GPATCH2: variants seen among roughly 807,000 people sequenced by gnomAD.
GPATCH2 encodes G patch domain-containing protein 2.
A neutral mutation model predicts 58.0 loss-of-function variants in GPATCH2; 51 were observed. The ratio of observed to expected loss-of-function variants is 0.88; its 90% CI spans 0.70 to 1.11. The LOEUF is 1.11. Among genes scored for constraint, GPATCH2 ranks in the 50% most tolerant of loss-of-function variants. The pLI is 0.00. For synonymous variants in GPATCH2, 222 were observed against 218.5 expected (o/e 1.02, Z -0.14); for missense variants, 625 against 652.2 (o/e 0.96, Z 0.45).
chr1:217,464,576 A>G (rs1232991921), intron 8 of GPATCH2, among the ~76,000 whole-genome samples: 3 of 152,166 alleles, frequency 2.0e-5, no homozygotes, highest in African/African-American at 7.2e-5. Flanking sequence ...AATTAAAGTG[A>G]TTTCCCAGGA....
chr1:217,499,555 C>G (rs957138561), intron 6 of GPATCH2, among the ~76,000 whole-genome samples: 4 of 152,146 alleles, frequency 2.6e-5, no homozygotes, highest in African/African-American at 9.7e-5. Flanking sequence ...TAGAATTTCT[C>G]AAGCTCATAG....
chr1:217,496,311 G>A (rs967731936), intron 7 of GPATCH2, among the ~76,000 whole-genome samples: 6 of 152,178 alleles, frequency 3.9e-5, no homozygotes, highest in Admixed American at 3.3e-4. Flanking sequence ...TGTGTAGCCA[G>A]AGTGGTAAAA....
intron 5 of GPATCH2, among the ~76,000 whole-genome samples, chr1:217,536,959 G>A (rs1000728090): frequency 6.6e-6 from 1 of 152,124 alleles, no homozygotes; most frequent in South Asian, 2.1e-4. Context: ...GTGACAGAGC[G>A]AGACTCCATC....
At chr1:217,450,442 GTGC>G (rs921462031) in intron 8 of GPATCH2, among the ~76,000 whole-genome samples, 32 of 152,048 alleles carry the variant, frequency 2.1e-4, no homozygotes, top group Non-Finnish European at 4.1e-4. Context: ...TGAAAAATTA[GTGC>G]TGGAGAGTAC....
chr1:217,573,710 C>T (rs1489071809), intron 5 of GPATCH2, among the ~76,000 whole-genome samples: 1 of 152,134 alleles, frequency 6.6e-6, no homozygotes, highest in African/African-American at 2.4e-5. Flanking sequence ...GTGTCATTTT[C>T]TTATTAGGAG....
At chr1:217,537,576 A>G (rs1234393530) in intron 5 of GPATCH2, among the ~76,000 whole-genome samples, 3 of 152,194 alleles carry the variant, frequency 2.0e-5, no homozygotes, top group Non-Finnish European at 2.9e-5. Context: ...AAATATTAAA[A>G]TATGAGGTGA....
intron 3 of GPATCH2, 25 bp from the exon 4 acceptor site, chr1:217,611,096 C>T (rs747852874): frequency 1.9e-6 from 3 of 1,587,210 alleles, no homozygotes; most frequent in Non-Finnish European, 1.7e-6. Context: ...GAAACCCCCC[C>T]CCACCAAAGA....
chr1:217,576,194 T>C (rs997031252), intron 5 of GPATCH2, among the ~76,000 whole-genome samples: 2 of 152,162 alleles, frequency 1.3e-5, no homozygotes, highest in Non-Finnish European at 2.9e-5. Context: ...AATTCAACAA[T>C]GCATTTTCCT....
intron 8 of GPATCH2, among the ~76,000 whole-genome samples, chr1:217,488,507 C>A (rs1376784259): frequency 6.6e-6 from 1 of 151,920 alleles, no homozygotes; most frequent in South Asian, 2.1e-4. Context: ...TGAGAGCTTT[C>A]TTTATAATGC....
At chr1:217,605,977 A>G (rs898465747) in intron 5 of GPATCH2, among the ~76,000 whole-genome samples, 3 of 152,096 alleles carry the variant, frequency 2.0e-5, no homozygotes, top group Non-Finnish European at 4.4e-5. Flanking sequence ...TCATTCTCCT[A>G]AAAGTGGGGA....
At chr1:217,457,001 A>C (rs946681597) in intron 8 of GPATCH2, among the ~76,000 whole-genome samples, 19 of 152,208 alleles carry the variant, frequency 1.2e-4, no homozygotes, top group Non-Finnish European at 2.5e-4. Flanking sequence ...TACCCTTCTC[A>C]TTATTAATAT....
intron 9 of GPATCH2, among the ~76,000 whole-genome samples, chr1:217,435,399 G>T (rs552648746): frequency 6.6e-6 from 1 of 152,196 alleles, no homozygotes; most frequent in African/African-American, 2.4e-5. Flanking sequence ...TGAAAATCTT[G>T]TATCGGCCTC....
At chr1:217,472,870 G>A (rs1660792145) in intron 8 of GPATCH2, among the ~76,000 whole-genome samples, 1 of 152,192 alleles carries the variant, frequency 6.6e-6, no homozygotes, top group Non-Finnish European at 1.5e-5. Flanking sequence ...TACAGAGAGA[G>A]GAACTGGCTG....
intron 7 of GPATCH2, 112 bp from the exon 8 acceptor site, chr1:217,491,862 CTTTTTT>C: frequency 6.0e-6 from 2 of 332,728 alleles, no homozygotes; most frequent in Non-Finnish European, 5.3e-6. Flanking sequence ...ATTTGCACGG[CTTTTTT>C]TTTTTTTTTT....
intron 5 of GPATCH2, among the ~76,000 whole-genome samples, chr1:217,518,183 T>G (rs1663268798): frequency 6.6e-6 from 1 of 152,180 alleles, no homozygotes; most frequent in Non-Finnish European, 1.5e-5. Flanking sequence ...ATAACTTTTG[T>G]GTCCTAATTC....
At chr1:217,514,024 G>A (rs946279659) in intron 6 of GPATCH2, among the ~76,000 whole-genome samples, 9 of 151,706 alleles carry the variant, frequency 5.9e-5, no homozygotes, top group African/African-American at 2.2e-4. Flanking sequence ...CGGGTTTCAC[G>A]ATATGTTGGC....
chr1:217,624,447 G>T (rs1330374907), intron 1 of GPATCH2, among the ~76,000 whole-genome samples: 1 of 152,242 alleles, frequency 6.6e-6, no homozygotes, highest in Admixed American at 6.5e-5. Context: ...GAACCAGGAG[G>T]CGGAGGCTGT....
At position 217,487,782 on chromosome 1, in the gene GPATCH2, G is replaced by A. The variant is rs1456948660; in HGVS notation, c.1277+3898C>T. Reference sequence around the variant, plus strand: ...TTTGGAGACTGAGTCTCACTCTGTCGCCCAGGCTGTAGTGCAGTGGCGTGA... The same window carrying A: ...TTTGGAGACTGAGTCTCACTCTGTCACCCAGGCTGTAGTGCAGTGGCGTGA... On this transcript the variant is annotated intron_variant, in intron 8 of 9. Coordinates refer to ENST00000366935, the MANE Select transcript of GPATCH2 (RefSeq NM_018040.5). Among the ~76,000 whole-genome samples, 11 of 151,748 alleles carry A rather than the reference G, an allele frequency of 7.2e-5. No individual in the cohort carries two copies. The South Asian group carries it at 1.9e-3, about 26-fold the overall frequency.
At chr1:217,464,632 G>A (rs1245752788) in intron 8 of GPATCH2, among the ~76,000 whole-genome samples, 1 of 152,118 alleles carries the variant, frequency 6.6e-6, no homozygotes, top group Non-Finnish European at 1.5e-5. Flanking sequence ...GAAGCGAACT[G>A]GAGCAGAACA....
Sources: allele counts gnomAD v4.1 joint callset (sites outside exome capture counted in the v4.1 genomes callset), GRCh38; gene constraint gnomAD v4.1.1; transcripts MANE v1.5; gene names NCBI Gene and HGNC (gene_info 2026-07-23, HGNC 2026-07-21).